The following MAP2K6 variants were observed in gnomAD, a reference collection of about 807,000 sequenced individuals.
MAP2K6 encodes mitogen-activated protein kinase kinase 6.
A neutral mutation model predicts 53.7 loss-of-function variants in MAP2K6; 16 were observed. The ratio of observed to expected loss-of-function variants is 0.30; its 90% CI spans 0.20 to 0.45. The LOEUF (loss-of-function observed/expected upper bound fraction) is 0.45. Ranked by LOEUF, MAP2K6 falls within the 20% of genes least tolerant of loss-of-function variation. MAP2K6 has a pLI of 1.00. For missense variants in MAP2K6, 204 were observed against 411.9 expected (o/e 0.50, Z 4.37); for synonymous variants, 132 against 143.1 (o/e 0.92, Z 0.55).
At chr17:69,430,931 C>T (rs145430605) in intron 1 of MAP2K6, among the ~76,000 whole-genome samples, 3 of 152,296 alleles carry the variant, frequency 2.0e-5, no homozygotes, top group Non-Finnish European at 2.9e-5. Context: ...GGATGTAGAG[C>T]GACTCACTCA....
chr17:69,436,594 A>G (rs546026592), intron 1 of MAP2K6, among the ~76,000 whole-genome samples: 2 of 152,304 alleles, frequency 1.3e-5, no homozygotes, highest in Non-Finnish European at 2.9e-5. Context: ...GCAAACTTAT[A>G]AAGTGGACTA....
At chr17:69,528,560 CA>C (rs1243022630) in intron 10 of MAP2K6, among the ~76,000 whole-genome samples, 1 of 151,442 alleles carries the variant, frequency 6.6e-6, no homozygotes, top group East Asian at 1.9e-4. Flanking sequence ...AAGGTCACAT[CA>C]AAAAAAGGGA....
intron 1 of MAP2K6, among the ~76,000 whole-genome samples, chr17:69,419,534 TA>T (rs752176162): frequency 1.4e-4 from 21 of 152,372 alleles, no homozygotes; most frequent in Non-Finnish European, 2.8e-4. Context: ...TATTCTACTC[TA>T]ATATTATTAG....
intron 1 of MAP2K6, among the ~76,000 whole-genome samples, chr17:69,451,582 T>A (rs1450442310): frequency 6.6e-6 from 1 of 151,554 alleles, no homozygotes; most frequent in Non-Finnish European, 1.5e-5. Context: ...TACTGGGGAG[T>A]GTTCTTGGGA....
chr17:69,548,702 A>G lies in MAP2K6; in HGVS notation c.*6949A>G, dbSNP rs1184796412. 6.6e-6 allele frequency: 1 copy of G among 152,170 alleles called. No homozygotes were observed. The highest frequency in any genetic ancestry group is 1.5e-5 in the Non-Finnish European group (1 of 68,032). 9.4% of individuals were successfully genotyped at this position (152,170 alleles called of 1,614,324 possible). ...TCCAGGGGAAGCACATTGCCACCAA[A>G]TACATCACTCACTACCTGTTCCTGG... On this transcript the variant is annotated 3_prime_UTR_variant, in exon 12 of 12. Coordinates refer to ENST00000590474, the MANE Select transcript of MAP2K6 (RefSeq NM_002758.4).
intron 1 of MAP2K6, among the ~76,000 whole-genome samples, chr17:69,493,840 C>CCCCTTGTA (rs994452823): frequency 6.6e-6 from 1 of 152,038 alleles, no homozygotes; most frequent in Non-Finnish European, 1.5e-5. Context: ...CAATGAGACA[C>CCCCTTGTA]CCCTTGTACC....
intron 1 of MAP2K6, among the ~76,000 whole-genome samples, chr17:69,439,496 T>C (rs1906751489): frequency 6.6e-6 from 1 of 152,210 alleles, no homozygotes; most frequent in East Asian, 1.9e-4. Flanking sequence ...AAATGTAAGG[T>C]CAGGCTTATT....
At chr17:69,427,205 A>G (rs972256554) in intron 1 of MAP2K6, among the ~76,000 whole-genome samples, 8 of 152,186 alleles carry the variant, frequency 5.3e-5, no homozygotes, top group Non-Finnish European at 7.3e-5. Flanking sequence ...TTCTCGAATC[A>G]TCTGAAATCA....
chr17:69,528,000 T>C (rs968687686), intron 10 of MAP2K6, among the ~76,000 whole-genome samples: 2 of 149,782 alleles, frequency 1.3e-5, no homozygotes, highest in Non-Finnish European at 3.0e-5. Context: ...AGCTGTAATC[T>C]CGGGAGGCTG....
At chr17:69,496,335 G>A (rs1382340043) in intron 1 of MAP2K6, among the ~76,000 whole-genome samples, 1 of 149,680 alleles carries the variant, frequency 6.7e-6, no homozygotes, top group Admixed American at 6.7e-5. Flanking sequence ...GCAGTGGTGC[G>A]ATCTCGGCTC....
chr17:69,483,448 A>C (rs1274377756), intron 1 of MAP2K6, among the ~76,000 whole-genome samples: 1 of 152,076 alleles, frequency 6.6e-6, no homozygotes, highest in African/African-American at 2.4e-5. Context: ...AAGATTATTA[A>C]AGAAGATCTA....
rs888318086 is a variant in MAP2K6 at position 69,542,709 on chromosome 17, T to A, written c.*956T>A. Reference sequence around the variant, plus strand: ...ACAATTGTCAGTTTTGAGGGGGACATGTGTTAAATCACAGAAAAAAATGGT... The same window carrying A: ...ACAATTGTCAGTTTTGAGGGGGACAAGTGTTAAATCACAGAAAAAAATGGT... On this transcript the variant is annotated 3_prime_UTR_variant, in exon 12 of 12. Transcript: ENST00000590474. 2 of 152,164 alleles carry A rather than the reference T, an allele frequency of 1.3e-5. No individual in the cohort carries two copies. The highest frequency in any genetic ancestry group is 4.8e-5 in the African/African-American group (2 of 41,450). 9.4% of individuals were successfully genotyped at this position (152,164 alleles called of 1,614,324 possible).
intron 11 of MAP2K6, 102 bp from the exon 12 acceptor site, chr17:69,541,574 G>A: frequency 2.4e-6 from 2 of 816,868 alleles, no homozygotes; most frequent in Non-Finnish European, 3.9e-6. Context: ...GCTCTGATAG[G>A]GATACTTAAT....
At chr17:69,428,852 G>GTT (rs1567814754) in intron 1 of MAP2K6, among the ~76,000 whole-genome samples, 1 of 102,360 alleles carries the variant, frequency 9.8e-6, no homozygotes, top group African/African-American at 5.3e-5. Flanking sequence ...CCTTTCTTCT[G>GTT]TTTTTGTTTT....
At chr17:69,513,880 C>T (rs1910002751) in intron 2 of MAP2K6, among the ~76,000 whole-genome samples, 1 of 152,026 alleles carries the variant, frequency 6.6e-6, no homozygotes, top group Non-Finnish European at 1.5e-5. Context: ...TTTGGGAGGC[C>T]ATGGCAAGCG....
intron 1 of MAP2K6, among the ~76,000 whole-genome samples, chr17:69,420,552 A>T (rs1906044773): frequency 6.6e-6 from 1 of 152,214 alleles, no homozygotes; most frequent in African/African-American, 2.4e-5. Context: ...TAGAATTTAG[A>T]GCTATGAAAG....
chr17:69,509,767 A>T (rs1367307615), intron 2 of MAP2K6, among the ~76,000 whole-genome samples: 1 of 152,016 alleles, frequency 6.6e-6, no homozygotes, highest in Non-Finnish European at 1.5e-5. Context: ...GGTTTTTTGT[A>T]GATGTTACTT....
intron 1 of MAP2K6, among the ~76,000 whole-genome samples, chr17:69,423,541 A>G (rs536655828): frequency 1.3e-5 from 2 of 152,168 alleles, no homozygotes; most frequent in African/African-American, 2.4e-5. Flanking sequence ...TCCCAGAAAC[A>G]TTCCTCTCTG....
intron 2 of MAP2K6, among the ~76,000 whole-genome samples, chr17:69,510,335 A>G (rs1276718704): frequency 6.6e-6 from 1 of 151,964 alleles, no homozygotes; most frequent in Non-Finnish European, 1.5e-5. Flanking sequence ...ATTTTTGTGC[A>G]TTGTTGGATT....
Sources: allele counts gnomAD v4.1 joint callset (sites outside exome capture counted in the v4.1 genomes callset), GRCh38; gene constraint gnomAD v4.1.1; transcripts MANE v1.5; gene names NCBI Gene and HGNC (gene_info 2026-07-23, HGNC 2026-07-21).